The following AUNIP variants were observed in gnomAD, a reference collection of about 807,000 sequenced individuals.
The protein encoded by AUNIP is aurora kinase A- and ninein-interacting protein.
AUNIP carries 16 observed loss-of-function variants against 12.2 expected under a neutral mutation model. The observed-to-expected ratio is 1.31, with a 90% CI of 0.88 to 1.99. The LOEUF is 1.99. Among genes scored for constraint, AUNIP ranks in the 30% most tolerant of loss-of-function variants. AUNIP has a pLI of 0.00. For synonymous variants in AUNIP, 142 were observed against 154.8 expected (o/e 0.92, Z 0.61); for missense variants, 411 against 419.1 (o/e 0.98, Z 0.17).
chr1:25,848,811 T>C (rs2124509183), intron 1 of AUNIP, among the ~76,000 whole-genome samples: 1 of 152,354 alleles, frequency 6.6e-6, no homozygotes, highest in Non-Finnish European at 1.5e-5. Context: ...GGCAGTACTC[T>C]GTGTGTACTG....
At chr1:25,853,275 G>A (rs1047670314) in intron 1 of AUNIP, among the ~76,000 whole-genome samples, 3 of 152,056 alleles carry the variant, frequency 2.0e-5, no homozygotes, top group African/African-American at 4.8e-5. Context: ...GCTTTGTAAC[G>A]AATTACCACA....
At chr1:25,844,630 T>G (rs1319100137) in intron 1 of AUNIP, among the ~76,000 whole-genome samples, 1 of 152,124 alleles carries the variant, frequency 6.6e-6, no homozygotes, top group Non-Finnish European at 1.5e-5. Context: ...ACTATGACCT[T>G]CAACTCTAGT....
intron 1 of AUNIP, among the ~76,000 whole-genome samples, chr1:25,853,922 G>A (rs1483868755): frequency 6.6e-6 from 1 of 152,108 alleles, no homozygotes; most frequent in Non-Finnish European, 1.5e-5. Flanking sequence ...CTATTCATTA[G>A]AAGCAAGTTA....
Position 25,835,293 on chromosome 1 carries a change from G to GT in AUNIP, c.773dup (p.Asn258LysfsTer10), listed in dbSNP as rs761356413. ...TACGGCTTTGTTTCACTGATTCTAT[G>GT]TTTTCTCCATTCCAGGATTCCCTGT... On this transcript the variant is annotated frameshift_variant, in exon 3 of 3. Transcript: ENST00000374298. LOFTEE classifies it high-confidence loss of function. The GT allele has an allele frequency of 1.9e-6, 3 of 1,614,194 alleles. No individual in the cohort carries two copies. The highest frequency in any genetic ancestry group is 2.5e-6 in the Non-Finnish European group (3 of 1,180,038).
chr1:25,858,902 A>G (rs751375304), intron 1 of AUNIP, among the ~76,000 whole-genome samples: 3 of 151,950 alleles, frequency 2.0e-5, no homozygotes, highest in Non-Finnish European at 2.9e-5. Context: ...ATTCGCATCC[A>G]TCTCCCAATG....
At chr1:25,857,392 C>A (rs896119731) in intron 1 of AUNIP, among the ~76,000 whole-genome samples, 1 of 151,070 alleles carries the variant, frequency 6.6e-6, no homozygotes, top group Non-Finnish European at 1.5e-5. Context: ...ATTACAGGTA[C>A]CTGCCACCAC....
chr1:25,833,119 C>G (rs955088596), downstream of AUNIP, among the ~76,000 whole-genome samples: 2 of 151,974 alleles, frequency 1.3e-5, no homozygotes, highest in African/African-American at 4.8e-5. Context: ...GCCCTATACT[C>G]TTTTTCTTTT....
At position 25,847,270 on chromosome 1, in the gene AUNIP, G is replaced by GT. The variant is rs907111177; in HGVS notation, c.79-9717dup. The stretch of plus-strand genomic sequence containing the variant: ...AAAACAGTTGTGTTTTTTTTGTTTT[G>GT]TTTTTTTTTGAGACGGAGTCTCACT... On this transcript the variant is annotated intron_variant, in intron 1 of 2. Coordinates refer to ENST00000374298, the MANE Select transcript of AUNIP (RefSeq NM_024037.3). This position sits in a 1 kb window ranked among gnomAD's most constrained non-coding sequence, Gnocchi z 4.2. Among the ~76,000 whole-genome samples, 30 of 150,344 alleles carry GT rather than the reference G, an allele frequency of 2.0e-4. No individual in the cohort carries two copies. Among genetic ancestry groups the GT allele is most frequent in the East Asian group, 9.8e-4 (5 of 5,120 alleles).
intron 1 of AUNIP, among the ~76,000 whole-genome samples, chr1:25,848,412 G>A (rs918615949): frequency 4.0e-5 from 6 of 150,950 alleles, no homozygotes; most frequent in Non-Finnish European, 4.4e-5. Context: ...AACCCAGGAG[G>A]CGGAGGTCGC....
At chr1:25,853,656 G>T (rs762893568) in intron 1 of AUNIP, among the ~76,000 whole-genome samples, 1 of 152,174 alleles carries the variant, frequency 6.6e-6, no homozygotes, top group Non-Finnish European at 1.5e-5. Context: ...GCTTCTCAGG[G>T]TGGTTAGCTT....
At position 25,846,977 on chromosome 1, in the gene AUNIP, C is replaced by T. The variant is rs77056177; in HGVS notation, c.79-9423G>A. The stretch of plus-strand genomic sequence containing the variant: ...TGAAATGCAGTGGAGGAAGAATCCT[C>T]ACCCTGGAGCAAATCCTGAATCCCC... On this transcript the variant is annotated intron_variant, in intron 1 of 2. Coordinates refer to ENST00000374298, the MANE Select transcript of AUNIP (RefSeq NM_024037.3). Among the ~76,000 whole-genome samples, 651 of 152,330 alleles carry T rather than the reference C, an allele frequency of 4.3e-3. 6 individuals are homozygous for T. Among genetic ancestry groups the T allele is most frequent in the African/African-American group, 0.014 (575 of 41,572 alleles).
chr1:25,859,350 C>A lies in AUNIP; in HGVS notation c.8G>T (p.Arg3Leu). 1.3e-6 allele frequency: 2 copies of A among 1,540,274 alleles called. No individual in the cohort carries two copies. Among genetic ancestry groups the A allele is most frequent in the South Asian group, 2.4e-5 (2 of 83,332 alleles). The change falls in exon 1 of 3, where the codon CGG (arginine) becomes CTG (leucine). Residue 3 changes from arginine to leucine, a missense_variant. By Grantham distance (102) the Arg-to-Leu change is moderately radical. Transcript: ENST00000374298. Reference protein sequence around the residue: MRRTGPEEEACGV... With the variant: MRLTGPEEEACGV... ...GCAGGCCTCCTCCTCGGGGCCTGTC[C>A]GCCTCATGGCCGCTGAGGAGACGAA...
At chr1:25,854,084 G>C (rs973857515) in intron 1 of AUNIP, among the ~76,000 whole-genome samples, 5 of 152,166 alleles carry the variant, frequency 3.3e-5, no homozygotes, top group Admixed American at 3.3e-4. Flanking sequence ...AGTGGTGCAC[G>C]CCTGTAATCC....
rs1207054126 is a variant in AUNIP, at chr1:25,835,155, A to T, written c.912T>A (p.Ala304=). ...GQRVIAHNTR[A]PFQDVTNNWN... is the part of the protein sequence containing the mutation. The stretch of plus-strand genomic sequence containing the variant: ...AGTTATTGGTTACATCTTGAAAAGG[A>T]GCTCTAGTGTTGTGGGCAATGACCC... Residue 304 remains alanine (A), a synonymous_variant, in exon 3 of 3, where the codon GCT becomes GCA. Coordinates refer to ENST00000374298, the MANE Select transcript of AUNIP (RefSeq NM_024037.3). 1 of 1,614,060 alleles carries T rather than the reference A, an allele frequency of 6.2e-7. No individual in the cohort carries two copies. The highest frequency in any genetic ancestry group is 8.5e-7 in the Non-Finnish European group (1 of 1,180,036).
chr1:25,859,196 T>C, intron 1 of AUNIP, 84 bp downstream of exon 1: 1 of 1,404,670 alleles, frequency 7.1e-7, no homozygotes, highest in Non-Finnish European at 9.7e-7. Flanking sequence ...TTTCATCATC[T>C]CCAGGTGTCC....
intron 1 of AUNIP, among the ~76,000 whole-genome samples, chr1:25,838,621 G>A (rs1402255638): frequency 6.6e-6 from 1 of 152,134 alleles, no homozygotes; most frequent in African/African-American, 2.4e-5. Context: ...GAGGAGCAGT[G>A]GAACAGCACC....
At chr1:25,857,358 G>A (rs1051643524) in intron 1 of AUNIP, among the ~76,000 whole-genome samples, 1 of 147,646 alleles carries the variant, frequency 6.8e-6, no homozygotes, top group African/African-American at 2.5e-5. Flanking sequence ...CAATTCTCCT[G>A]TCTCAGCCTC....
In AUNIP at chr1:25,859,395, A is replaced by C; in HGVS notation, c.-38T>G. The C allele has an allele frequency of 2.0e-6, 3 of 1,473,532 alleles. No homozygotes were observed. Among genetic ancestry groups the C allele is most frequent in the South Asian group, 1.3e-5 (1 of 76,648 alleles). The allele number at this position is 1,473,532 out of a possible 1,614,324, so 91.3% of individuals were successfully genotyped here. Reference sequence around the variant, plus strand: ...GACGAAGCCGGCAGGACGCCGGCGCAGGCTCCCGGCGCCTCAGGGAACGCC... The same window carrying C: ...GACGAAGCCGGCAGGACGCCGGCGCCGGCTCCCGGCGCCTCAGGGAACGCC... On this transcript the variant is annotated 5_prime_UTR_variant, in exon 1 of 3. Transcript: ENST00000374298.
chr1:25,848,444 T>G (rs547555593), intron 1 of AUNIP, among the ~76,000 whole-genome samples: 14 of 134,784 alleles, frequency 1.0e-4, no homozygotes, highest in Non-Finnish European at 1.8e-4. Context: ...ATCGTGCCAT[T>G]GCACTCCAGC....
Sources: gnomAD v4.1 joint callset for allele counts (sites outside exome capture counted in the v4.1 genomes callset) on GRCh38, gnomAD v4.1.1 for gene constraint, Gnocchi (gnomAD v3.1) non-coding constraint, MANE v1.5 for transcripts, NCBI Gene and HGNC (gene_info 2026-07-23, HGNC 2026-07-21) for gene names.